The following EGFR variants were observed in gnomAD, a reference collection of about 807,000 sequenced individuals.
EGFR encodes epidermal growth factor receptor.
A neutral mutation model predicts 143.0 loss-of-function variants in EGFR; 58 were observed. The observed-to-expected ratio is 0.41, with a 90% CI of 0.33 to 0.50. The LOEUF is 0.50. Ranked by LOEUF, EGFR falls within the 20% of genes least tolerant of loss-of-function variation. The pLI is 0.39. For missense variants in EGFR, 1,307 were observed against 1,579.0 expected (o/e 0.83, Z 2.92); for synonymous variants, 613 against 594.4 (o/e 1.03, Z -0.45).
intron 1 of EGFR, among the ~76,000 whole-genome samples, chr7:55,053,641 C>T (rs989679763): frequency 6.6e-6 from 1 of 152,236 alleles, no homozygotes; most frequent in Non-Finnish European, 1.5e-5. Flanking sequence ...ACCAGGAGGA[C>T]ACACAGCTCC....
chr7:55,119,364 A>G (rs920864656), intron 1 of EGFR: 18 of 152,202 alleles, frequency 1.2e-4, no homozygotes, highest in African/African-American at 4.3e-4. Context: ...AACCAACACA[A>G]TCTTCCGAGT....
In EGFR at chr7:55,050,940, C is replaced by T. The variant is rs184704683; in HGVS notation, c.88+31575C>T. On this transcript the variant is annotated intron_variant, in intron 1 of 27. Transcript: ENST00000275493. ...ACTCCTCACTGTTCCTGCAGCACCT[C>T]CTGTGTGCCCACACAGCTGTCCTGC... 8.5e-5 allele frequency among the ~76,000 whole-genome samples: 13 copies of T among 152,354 alleles called. No individual in the cohort carries two copies. The East Asian group carries it at 2.5e-3, about 29-fold the overall frequency.
Position 55,165,045 on chromosome 7 carries a change from T to C in EGFR, c.1723-235T>C, listed in dbSNP as rs186848488. On this transcript the variant is annotated intron_variant, in intron 14 of 27. Coordinates refer to ENST00000275493, the MANE Select transcript of EGFR (RefSeq NM_005228.5). ...GCAATAATGTAGAGAATATCATTTC[T>C]TTCATGCTGGTGTATATCATATGCA... 6.1e-4 allele frequency among the ~76,000 whole-genome samples: 93 copies of C among 152,382 alleles called. 1 individual carries two copies. Among genetic ancestry groups the C allele is most frequent in the African/African-American group, 1.9e-3 (81 of 41,596 alleles).
chr7:55,104,444 C>T (rs1327540176), intron 1 of EGFR, among the ~76,000 whole-genome samples: 1 of 152,156 alleles, frequency 6.6e-6, no homozygotes, highest in Non-Finnish European at 1.5e-5. Context: ...GCCCTAGCTG[C>T]CTATTGGCTG....
At chr7:55,042,789 T>C (rs1346638266) in intron 1 of EGFR, among the ~76,000 whole-genome samples, 1 of 152,168 alleles carries the variant, frequency 6.6e-6, no homozygotes, top group East Asian at 1.9e-4. Flanking sequence ...ATGCGTATTG[T>C]CTTGACTTTG....
chr7:55,095,014 G>A (rs1333263509), intron 1 of EGFR, among the ~76,000 whole-genome samples: 2 of 152,102 alleles, frequency 1.3e-5, no homozygotes, highest in Non-Finnish European at 2.9e-5. Context: ...CTCTCTTATC[G>A]CTGGTTTTTA....
At chr7:55,198,503 T>C (rs1419595697) in intron 22 of EGFR, among the ~76,000 whole-genome samples, 2 of 152,202 alleles carry the variant, frequency 1.3e-5, no homozygotes, top group African/African-American at 4.8e-5. Context: ...TCTTGTTGGG[T>C]CCTTACAGCA....
Position 55,210,998 on chromosome 7 carries a change from A to G in EGFR, c.*5381A>G, listed in dbSNP as rs1362707459. 2 of 152,230 alleles carry G rather than the reference A, an allele frequency of 1.3e-5. No homozygotes were observed. The highest frequency in any genetic ancestry group is 1.3e-4 in the Admixed American group (2 of 15,282). 9.4% of individuals were successfully genotyped at this position (152,230 alleles called of 1,614,324 possible). A position where few individuals can be genotyped will look rare whatever the true frequency, so the allele number is the denominator to read the frequency against. On this transcript the variant is annotated 3_prime_UTR_variant, in exon 28 of 28. Transcript: ENST00000275493. ...TCAAGAAGAGGATTCATGCTTTAAG[A>G]AACATTTGTTATACATTCCTCACAA...
At chr7:55,078,690 A>T (rs1220967498) in intron 1 of EGFR, among the ~76,000 whole-genome samples, 2 of 152,168 alleles carry the variant, frequency 1.3e-5, no homozygotes, top group African/African-American at 2.4e-5. Context: ...CGCTTTGGTG[A>T]GAGAGTGGAC....
Position 55,210,846 on chromosome 7 carries a change from C to T in EGFR, c.*5229C>T, listed in dbSNP as rs1479090848. On this transcript the variant is annotated 3_prime_UTR_variant, in exon 28 of 28. Transcript: ENST00000275493. ...TTATGCAGCTGACATTGTTGCCCTC[C>T]CTAAAGCAACCAAGTAGCCTTTATT... The T allele has an allele frequency of 2.6e-5, 4 of 152,162 alleles. No homozygotes were observed. The highest frequency in any genetic ancestry group is 6.5e-5 in the Admixed American group (1 of 15,286). 9.4% of individuals were successfully genotyped at this position (152,162 alleles called of 1,614,324 possible). A position where few individuals can be genotyped will look rare whatever the true frequency, so the allele number is the denominator to read the frequency against.
In EGFR at chr7:55,166,888, ATGG is replaced by A. The variant is rs1437131000; in HGVS notation, c.1880+1457_1880+1459del. Among the ~76,000 whole-genome samples, 2 of 112,094 alleles carry A rather than the reference ATGG, an allele frequency of 1.8e-5. 1 individual carries two copies. The highest frequency in any genetic ancestry group is 1.1e-3 in the East Asian group (2 of 1,894). 73.5% of individuals were successfully genotyped at this position (112,094 alleles called of 152,430 possible). On this transcript the variant is annotated intron_variant, in intron 15 of 27. Coordinates refer to ENST00000275493, the MANE Select transcript of EGFR (RefSeq NM_005228.5). ...AATGGTGGTAGTGATGATGGTGTTG[ATGG>A]TGGTGAGGAGGTGAGAGTCACAATG...
chr7:55,156,908 G>C (rs1442973999), intron 10 of EGFR, 76 bp downstream of exon 10: 17 of 1,603,538 alleles, frequency 1.1e-5, no homozygotes, highest in Non-Finnish European at 1.4e-5. Flanking sequence ...CATATTTCCT[G>C]TTCCCTTGGA....
At chr7:55,203,709 TACAC>T (rs547031573) in intron 27 of EGFR, among the ~76,000 whole-genome samples, 5 of 133,464 alleles carry the variant, frequency 3.7e-5, no homozygotes, top group South Asian at 5.0e-4. Flanking sequence ...GCACCACACA[TACAC>T]ACACGTAGAC....
At chr7:55,142,638 A>T (rs1294893438) in intron 2 of EGFR, among the ~76,000 whole-genome samples, 2 of 152,234 alleles carry the variant, frequency 1.3e-5, no homozygotes, top group East Asian at 3.9e-4. Flanking sequence ...TCAAATAGAA[A>T]CAGGCTAATC....
intron 1 of EGFR, among the ~76,000 whole-genome samples, chr7:55,093,490 C>T (rs542490754): frequency 5.8e-4 from 89 of 152,236 alleles, no homozygotes; most frequent in Middle Eastern, 3.4e-3. Context: ...CCCTCCCCAC[C>T]GCTCGCCCCG....
At chr7:55,104,680 A>C (rs1423529563) in intron 1 of EGFR, among the ~76,000 whole-genome samples, 2 of 152,186 alleles carry the variant, frequency 1.3e-5, no homozygotes, top group East Asian at 3.9e-4. Flanking sequence ...GGCTTGATCC[A>C]GTGCCTAGGC....
Position 55,207,285 on chromosome 7 carries a change from A to C in EGFR, c.*1668A>C. 1 of 232,844 alleles carries C rather than the reference A, an allele frequency of 4.3e-6. No homozygotes were observed. Among genetic ancestry groups the C allele is most frequent in the Non-Finnish European group, 8.5e-6 (1 of 117,786 alleles). The allele number at this position is 232,844 out of a possible 1,614,324, so 14.4% of individuals were successfully genotyped here. A position where few individuals can be genotyped will look rare whatever the true frequency, so the allele number is the denominator to read the frequency against. On this transcript the variant is annotated 3_prime_UTR_variant, in exon 28 of 28. Transcript: ENST00000275493. Reference sequence around the variant, plus strand: ...TCAGAGCCCCTACAGCATTGTTAAGAAAGTATTTGATTTTTGTCTCAATGA... The same window carrying C: ...TCAGAGCCCCTACAGCATTGTTAAGCAAGTATTTGATTTTTGTCTCAATGA...
intron 1 of EGFR, among the ~76,000 whole-genome samples, chr7:55,064,025 AT>A (rs17335919): frequency 0.26 from 40,213 of 152,014 alleles, 6,945 homozygotes; most frequent in East Asian, 0.87. Context: ...AACATAATAG[AT>A]TTTTTTTAAG....
intron 15 of EGFR, chr7:55,168,390 G>A (rs1156714905): frequency 2.8e-6 from 2 of 706,058 alleles, no homozygotes; most frequent in East Asian, 5.3e-5. Context: ...GAAAGTGATT[G>A]GGTTTTGGCA....
Sources: gnomAD v4.1 joint callset for allele counts (sites outside exome capture counted in the v4.1 genomes callset) on GRCh38, gnomAD v4.1.1 for gene constraint, MANE v1.5 for transcripts, NCBI Gene and HGNC (gene_info 2026-07-23, HGNC 2026-07-21) for gene names.